PRC1: variants seen among roughly 807,000 people sequenced by gnomAD.
PRC1 encodes anaphase spindle elongation 1 homolog.
Under a neutral mutation model 91.2 loss-of-function variants are expected in PRC1, and 54 were observed. That is an observed-to-expected ratio of 0.59 (90% confidence interval 0.48 to 0.74). PRC1 has a LOEUF of 0.74. Ranked by LOEUF, PRC1 falls within the 30% of genes least tolerant of loss-of-function variation. The probability of loss-of-function intolerance (pLI) is 0.00; values close to 1 mark genes in which losing one functional copy is unlikely to be tolerated. For missense variants in PRC1, 727 were observed against 746.2 expected, an observed-to-expected ratio of 0.97 and a Z score of 0.30; for synonymous variants, 275 against 263.6, an observed-to-expected ratio of 1.04 and a Z score of -0.42.
At chr15:90,993,728 C>A (rs536974071) in intron 1 of PRC1, among the ~76,000 whole-genome samples, 2 of 152,074 alleles carry the variant, frequency 1.3e-5, no homozygotes, top group Non-Finnish European at 2.9e-5. Context: ...TCTTAACTTG[C>A]AAAGAAACAA....
intron 8 of PRC1, among the ~76,000 whole-genome samples, chr15:90,978,753 C>CAAAGA (rs2038943746): frequency 2.5e-5 from 1 of 39,708 alleles, no homozygotes; most frequent in Non-Finnish European, 4.4e-5. Flanking sequence ...AACTCCACCT[C>CAAAGA]AAAAAAAAAA....
Position 90,981,258 on chromosome 15 carries a change from C to T in PRC1, c.673-225G>A, listed in dbSNP as rs565375175. On this transcript the variant is annotated intron_variant, in intron 5 of 14. Coordinates refer to ENST00000394249, the MANE Select transcript of PRC1 (RefSeq NM_003981.4). The stretch of plus-strand genomic sequence containing the variant: ...AACTGAAAAAAATTTTAATTAAACA[C>T]TAGTCTAATTCAAATGACTAATATT... 12 of 693,354 alleles carry T rather than the reference C, an allele frequency of 1.7e-5. No individual in the cohort carries two copies. In the African/African-American group the frequency reaches 2.0e-4, roughly 11 times the overall value. The allele number at this position is 693,354 out of a possible 1,614,324, so 43.0% of individuals were successfully genotyped here.
intron 8 of PRC1, among the ~76,000 whole-genome samples, chr15:90,978,176 A>G (rs534049004): frequency 4.3e-4 from 66 of 152,318 alleles, no homozygotes; most frequent in African/African-American, 1.5e-3. Context: ...GAAGGAACCC[A>G]CCATGTTGCC....
chr15:90,982,487 G>A (rs1441398133), intron 3 of PRC1: 2 of 158,950 alleles, frequency 1.3e-5, no homozygotes, highest in East Asian at 1.8e-4. Context: ...GGTGGCTCAC[G>A]CCTATAATCC....
intron 1 of PRC1, chr15:90,987,797 C>G (rs1050348419): frequency 2.6e-5 from 4 of 152,178 alleles, no homozygotes; most frequent in African/African-American, 9.7e-5. Context: ...CCCTTTCTGT[C>G]TCAGAGCTTT....
chr15:90,968,051 C>G, intron 14 of PRC1: 3 of 985,306 alleles, frequency 3.0e-6, no homozygotes, highest in Non-Finnish European at 3.6e-6. Flanking sequence ...CAGATATTAG[C>G]AGAGGTTAGT....
chr15:90,992,031 C>T (rs2040010499), intron 1 of PRC1, among the ~76,000 whole-genome samples: 1 of 152,170 alleles, frequency 6.6e-6, no homozygotes, highest in African/African-American at 2.4e-5. Context: ...CTGGAACATA[C>T]CAGGCGCTAT....
At chr15:90,987,269 C>T (rs541582220) in intron 1 of PRC1, among the ~76,000 whole-genome samples, 4 of 152,116 alleles carry the variant, frequency 2.6e-5, no homozygotes, top group East Asian at 1.9e-4. Flanking sequence ...ATCTCAAAAA[C>T]GAAAACAAAA....
chr15:90,981,698 T>TAGAGGA, intron 4 of PRC1, 29 bp from the exon 5 acceptor site: 1 of 1,609,792 alleles, frequency 6.2e-7, no homozygotes, highest in Non-Finnish European at 8.5e-7. Context: ...ACAAGATACC[T>TAGAGGA]AGAGGAAAAC....
rs556849355 is a variant in PRC1 at position 90,979,904 on chromosome 15, G to T, written c.970+338C>A. Among the ~76,000 whole-genome samples, 3 of 152,324 alleles carry T rather than the reference G, an allele frequency of 2.0e-5. No individual in the cohort carries two copies. The South Asian group carries it at 6.2e-4, about 32-fold the overall frequency. Reference sequence around the variant, plus strand: ...AAAAACTTAAGCTTCACAGCTAGAGGCTACAGTGACATATTGCTTCAGAAA... The same window carrying T: ...AAAAACTTAAGCTTCACAGCTAGAGTCTACAGTGACATATTGCTTCAGAAA... On this transcript the variant is annotated intron_variant, in intron 7 of 14. Transcript: ENST00000394249.
chr15:90,993,315 TCTCCTGCCTCAGC>T (rs2040092612), intron 1 of PRC1, among the ~76,000 whole-genome samples: 1 of 151,108 alleles, frequency 6.6e-6, no homozygotes, highest in Non-Finnish European at 1.5e-5. Context: ...CTGAAGCGAT[TCTCCTGCCTCAGC>T]CTCCTGAAAA....
In PRC1 at chr15:90,966,413, T is replaced by C. The variant is rs1055688343; in HGVS notation, c.*718A>G. 2.9e-6 allele frequency: 1 copy of C among 344,794 alleles called. No individual in the cohort carries two copies. Among genetic ancestry groups the C allele is most frequent in the South Asian group, 2.1e-5 (1 of 46,524 alleles). 21.4% of individuals were successfully genotyped at this position (344,794 alleles called of 1,614,324 possible). A position where few individuals can be genotyped will look rare whatever the true frequency, so the allele number is the denominator to read the frequency against. On this transcript the variant is annotated 3_prime_UTR_variant, in exon 15 of 15. Coordinates refer to ENST00000394249, the MANE Select transcript of PRC1 (RefSeq NM_003981.4). ...CTGGCAACTGCGGGGGTAGAAGAAC[T>C]CAGGCAAAGTAGGCACAGGAATGGG...
intron 3 of PRC1, among the ~76,000 whole-genome samples, chr15:90,982,926 A>C (rs2151554176): frequency 6.6e-6 from 1 of 150,956 alleles, no homozygotes; most frequent in East Asian, 2.0e-4. Context: ...GTTAACAAGA[A>C]AAAAAAAAGT....
intron 3 of PRC1, 186 bp downstream of exon 3, chr15:90,983,832 G>A: frequency 1.5e-6 from 1 of 661,252 alleles, no homozygotes; most frequent in Non-Finnish European, 2.3e-6. Flanking sequence ...TCTTACCAGG[G>A]CAACTCTCTA....
chr15:90,982,248 C>T (rs28421380), intron 3 of PRC1, among the ~76,000 whole-genome samples: 11 of 152,192 alleles, frequency 7.2e-5, no homozygotes, highest in African/African-American at 1.4e-4. Flanking sequence ...TTAACCATTA[C>T]GTGTACAGTT....
intron 11 of PRC1, among the ~76,000 whole-genome samples, chr15:90,971,202 C>T (rs1456392501): frequency 6.6e-6 from 1 of 152,142 alleles, no homozygotes; most frequent in East Asian, 1.9e-4. Flanking sequence ...CTTTGGGGAC[C>T]ATGAAATGTT....
At chr15:90,990,609 G>T (rs1056819989) in intron 1 of PRC1, among the ~76,000 whole-genome samples, 1 of 151,662 alleles carries the variant, frequency 6.6e-6, no homozygotes, top group Non-Finnish European at 1.5e-5. Context: ...TTTTAAAGGG[G>T]TGATAAAAAT....
chr15:90,984,803 T>G lies in PRC1; in HGVS notation c.34A>C (p.Ile12Leu). The G allele has an allele frequency of 6.2e-7, 1 of 1,614,154 alleles. No individual in the cohort carries two copies. The highest frequency in any genetic ancestry group is 1.3e-5 in the African/African-American group (1 of 75,030). The change falls in exon 2 of 15, where the codon ATA (isoleucine) becomes CTA (leucine). Residue 12 changes from isoleucine (I) to leucine (L), a missense_variant. Transcript: ENST00000394249. The surrounding 1 kb of genome is among the most constrained non-coding windows in gnomAD (Gnocchi z 5.1). The part of the protein sequence containing the change: ...RRSEVLAEES[I>L]VCLQKALNHL... The stretch of plus-strand genomic sequence containing the variant: ...TTTAGGGCTTTCTGCAGACATACTA[T>G]GGACTCCTCCGCCAGCACCTCACTG...
rs578149662 is a variant in PRC1, at chr15:90,980,212, A to G, written c.970+30T>C. On this transcript the variant is annotated intron_variant, in intron 7 of 14. Coordinates refer to ENST00000394249, the MANE Select transcript of PRC1 (RefSeq NM_003981.4). ...CAGAGTAAGACCTGTCTCCAAACAA[A>G]CAAACCAAAGACCTCACTCTTGTAC... The G allele has an allele frequency of 6.4e-6, 10 of 1,561,182 alleles. No homozygotes were observed. The Admixed American group carries it at 1.9e-4, about 29-fold the overall frequency.
Sources: allele counts gnomAD v4.1 joint callset (sites outside exome capture counted in the v4.1 genomes callset), GRCh38; gene constraint gnomAD v4.1.1; non-coding constraint Gnocchi (gnomAD v3.1); transcripts MANE v1.5; gene names NCBI Gene and HGNC (gene_info 2026-07-23, HGNC 2026-07-21).